Variants in P4HA3 observed in about 807,000 individuals in gnomAD.
P4HA3 encodes prolyl 4-hydroxylase subunit alpha-3.
Under a neutral mutation model 66.7 loss-of-function variants are expected in P4HA3, and 60 were observed. The observed-to-expected ratio is 0.90, with a 90% CI of 0.73 to 1.12. The LOEUF (loss-of-function observed/expected upper bound fraction) is 1.12, where lower values mean the gene tolerates loss of function less well. Among genes scored for constraint, P4HA3 ranks in the 50% most tolerant of loss-of-function variants. The probability of loss-of-function intolerance (pLI) is 0.00; values close to 1 mark genes in which losing one functional copy is unlikely to be tolerated. For synonymous variants in P4HA3, 263 were observed against 274.6 expected (o/e 0.96, Z 0.42); for missense variants, 683 against 685.8 (o/e 1.00, Z 0.05).
chr11:74,295,676 T>C (rs998923547), intron 4 of P4HA3, among the ~76,000 whole-genome samples: 1 of 152,230 alleles, frequency 6.6e-6, no homozygotes, highest in East Asian at 1.9e-4. Flanking sequence ...AGTACTTTGA[T>C]GTCATCACAT....
At chr11:74,303,086 G>T (rs1476683671) in intron 2 of P4HA3, among the ~76,000 whole-genome samples, 1 of 152,000 alleles carries the variant, frequency 6.6e-6, no homozygotes, top group Non-Finnish European at 1.5e-5. Context: ...TGAGTAGGCA[G>T]GACTTCAGGC....
downstream of P4HA3, among the ~76,000 whole-genome samples, chr11:74,261,873 A>G (rs1461524604): frequency 2.0e-5 from 3 of 152,316 alleles, no homozygotes; most frequent in East Asian, 5.8e-4. Flanking sequence ...TGTTCCAAGA[A>G]GCACCTATGG....
intron 7 of P4HA3, 122 bp from the exon 8 acceptor site, chr11:74,279,574 T>A: frequency 1.1e-6 from 1 of 895,494 alleles, no homozygotes; most frequent in South Asian, 1.4e-5. Context: ...CCTCCTTAAT[T>A]AGAGGACATT....
chr11:74,258,668 A>G (rs567276103), intron 15 of P4HA3, among the ~76,000 whole-genome samples: 2 of 152,072 alleles, frequency 1.3e-5, no homozygotes, highest in Admixed American at 1.3e-4. Context: ...GAAGGAGAGG[A>G]GGGGTGGGGC....
chr11:74,279,493 T>C (rs1591102348), intron 7 of P4HA3, 41 bp from the exon 8 acceptor site: 1 of 1,596,302 alleles, frequency 6.3e-7, no homozygotes, highest in Non-Finnish European at 8.6e-7. Context: ...GTGGTTATGA[T>C]GCAAAAGGAA....
At chr11:74,276,393 T>G (rs1860394918) in intron 9 of P4HA3, among the ~76,000 whole-genome samples, 1 of 151,678 alleles carries the variant, frequency 6.6e-6, no homozygotes, top group South Asian at 2.1e-4. Flanking sequence ...CAGGACCTTG[T>G]CTCTACAAAA....
Position 74,311,483 on chromosome 11 carries a change from G to T in P4HA3, c.129C>A (p.Pro43=). The change falls in exon 1 of 13, where the codon CCC becomes CCA. Residue 43 remains proline, a synonymous_variant. Transcript: ENST00000331597. The part of the protein sequence containing the change: ...ALTSVARALA[P]ERRLLGLLRR... Reference sequence around the variant, plus strand: ...TCAGCAGCCCCAGCAGCCGGCGCTCGGGCGCCAGGGCGCGCGCCACGCTGG... The same window carrying T: ...TCAGCAGCCCCAGCAGCCGGCGCTCTGGCGCCAGGGCGCGCGCCACGCTGG... 2 of 1,532,996 alleles carry T rather than the reference G, an allele frequency of 1.3e-6. No individual in the cohort carries two copies. The highest frequency in any genetic ancestry group is 2.5e-5 in the East Asian group (1 of 40,214). The allele number at this position is 1,532,996 out of a possible 1,614,324, so 95.0% of individuals were successfully genotyped here. A position where few individuals can be genotyped will look rare whatever the true frequency, so the allele number is the denominator to read the frequency against.
At chr11:74,306,021 T>C (rs1861570977) in intron 1 of P4HA3, among the ~76,000 whole-genome samples, 1 of 152,094 alleles carries the variant, frequency 6.6e-6, no homozygotes. Flanking sequence ...GTGGTACTGT[T>C]GAAACTATGA....
chr11:74,311,056 C>G (rs1467049816), intron 1 of P4HA3, among the ~76,000 whole-genome samples: 1 of 152,180 alleles, frequency 6.6e-6, no homozygotes, highest in African/African-American at 2.4e-5. Flanking sequence ...AGAGTCACCC[C>G]GCCCCGCTCT....
chr11:74,286,445 C>T, intron 5 of P4HA3, 54 bp from the exon 6 acceptor site: 1 of 1,456,358 alleles, frequency 6.9e-7, no homozygotes, highest in Non-Finnish European at 9.1e-7. Context: ...ATACTGGCCC[C>T]AGGGAGTGCC....
rs200162410 is a variant in P4HA3 at position 74,285,932 on chromosome 11, G to A, written c.987C>T (p.Asn329=). ...SLYCSYETNS[N]AYLLLQPIRK... Reference sequence around the variant, plus strand: ...GGATGGGCTGGAGCAGCAGGTAGGCGTTGGAATTGGTCTCATAGGAACAGT... The same window carrying A: ...GGATGGGCTGGAGCAGCAGGTAGGCATTGGAATTGGTCTCATAGGAACAGT... Residue 329 remains asparagine (N), a synonymous_variant, in exon 7 of 13, where the codon AAC becomes AAT. Transcript: ENST00000331597. 1.8e-4 allele frequency: 295 copies of A among 1,611,210 alleles called. No homozygotes were observed. The highest frequency in any genetic ancestry group is 2.1e-4 in the Non-Finnish European group (249 of 1,177,476).
At chr11:74,290,310 ATTTG>A (rs1364097282) in intron 4 of P4HA3, among the ~76,000 whole-genome samples, 2 of 152,010 alleles carry the variant, frequency 1.3e-5, no homozygotes, top group Non-Finnish European at 1.5e-5. Context: ...TTCCTTGTAA[ATTTG>A]TTTGAGTTCA....
In P4HA3 at chr11:74,311,616, A is replaced by T. The variant is rs746756883; in HGVS notation, c.-5T>A. On this transcript the variant is annotated 5_prime_UTR_variant, in exon 1 of 13. Coordinates refer to ENST00000331597, the MANE Select transcript of P4HA3 (RefSeq NM_182904.5). ...CAGCCGCGCCCCAGGACCCATAGCC[A>T]GCGCTCGCGAACTTCCCCTCAGACA... The T allele has an allele frequency of 1.1e-5, 17 of 1,494,982 alleles. 1 individual carries two copies. The South Asian group carries it at 2.2e-4, about 19-fold the overall frequency. 92.6% of individuals were successfully genotyped at this position (1,494,982 alleles called of 1,614,324 possible).
At chr11:74,295,233 C>A (rs1861177016) in intron 4 of P4HA3, among the ~76,000 whole-genome samples, 1 of 152,146 alleles carries the variant, frequency 6.6e-6, no homozygotes, top group Non-Finnish European at 1.5e-5. Context: ...TTCCCGGAGT[C>A]CACAAAGTTA....
chr11:74,287,246 A>G (rs1251292970), intron 5 of P4HA3: 1 of 1,289,234 alleles, frequency 7.8e-7, no homozygotes, highest in Non-Finnish European at 1.0e-6. Flanking sequence ...CTCCCAAAGC[A>G]TCTTTCTCTG....
chr11:74,266,453 G>T (rs888449200), downstream of P4HA3, among the ~76,000 whole-genome samples: 2 of 152,112 alleles, frequency 1.3e-5, no homozygotes, highest in African/African-American at 4.8e-5. Flanking sequence ...ATACTGTATT[G>T]TTCAGGGAAT....
At chr11:74,307,627 T>G (rs978015288) in intron 1 of P4HA3, among the ~76,000 whole-genome samples, 1 of 152,244 alleles carries the variant, frequency 6.6e-6, no homozygotes, top group African/African-American at 2.4e-5. Context: ...TTCCAGAGAC[T>G]GGAAACTGAG....
At chr11:74,265,445 G>A (rs1162517559), downstream of P4HA3, among the ~76,000 whole-genome samples, 1 of 152,134 alleles carries the variant, frequency 6.6e-6, no homozygotes, top group African/African-American at 2.4e-5. Context: ...GCGGGGAAGG[G>A]GCAGAGACAG....
At chr11:74,269,580 G>A in intron 11 of P4HA3, 72 bp downstream of exon 11, 2 of 1,471,006 alleles carry the variant, frequency 1.4e-6, no homozygotes, top group South Asian at 1.3e-5. Context: ...TGCAAGCACA[G>A]ACAGCGTGAA....
Sources: gnomAD v4.1 joint callset for allele counts (sites outside exome capture counted in the v4.1 genomes callset) on GRCh38, gnomAD v4.1.1 for gene constraint, MANE v1.5 for transcripts, NCBI Gene and HGNC (gene_info 2026-07-23, HGNC 2026-07-21) for gene names.